The following SCRN1 variants were observed in gnomAD, a reference collection of about 807,000 sequenced individuals.
SCRN1 encodes the protein secernin 1, also known as secernin-1.
SCRN1 carries 19 observed loss-of-function variants against 43.3 expected under a neutral mutation model. That is an observed-to-expected ratio of 0.44 (90% confidence interval 0.31 to 0.64). The LOEUF is 0.64. Ranked by LOEUF, SCRN1 falls within the 30% of genes least tolerant of loss-of-function variation. The pLI is 0.09. For missense variants in SCRN1, 447 were observed against 524.1 expected, an observed-to-expected ratio of 0.85 and a Z score of 1.44; for synonymous variants, 183 against 188.9, an observed-to-expected ratio of 0.97 and a Z score of 0.26.
At chr7:29,964,814 C>T (rs1223129092) in intron 2 of SCRN1, among the ~76,000 whole-genome samples, 3 of 152,034 alleles carry the variant, frequency 2.0e-5, no homozygotes, top group Non-Finnish European at 4.4e-5. Flanking sequence ...TGATGGTGGG[C>T]ACCTGTAATC....
intron 2 of SCRN1, among the ~76,000 whole-genome samples, chr7:29,956,747 G>A (rs999723922): frequency 2.6e-5 from 4 of 152,118 alleles, no homozygotes; most frequent in African/African-American, 9.7e-5. Context: ...ATTATATCCA[G>A]AGGTTTTCAA....
rs534928564 is a variant in SCRN1 at position 29,923,017 on chromosome 7, T to C, written c.*940A>G. 1 of 150,600 alleles carries C rather than the reference T, an allele frequency of 6.6e-6. No individual in the cohort carries two copies. The highest frequency in any genetic ancestry group is 2.2e-4 in the South Asian group (1 of 4,582). 9.3% of individuals were successfully genotyped at this position (150,600 alleles called of 1,614,324 possible). A position where few individuals can be genotyped will look rare whatever the true frequency, so the allele number is the denominator to read the frequency against. Reference sequence around the variant, plus strand: ...ATCTAAATAGTCAAGAGTTCTTCCTTTTCTTTCCCTCCTTGGCTGAGAGAT... The same window carrying C: ...ATCTAAATAGTCAAGAGTTCTTCCTCTTCTTTCCCTCCTTGGCTGAGAGAT... On this transcript the variant is annotated 3_prime_UTR_variant, in exon 8 of 8. Transcript: ENST00000242059.
chr7:29,950,928 G>A lies in SCRN1; in HGVS notation c.341+4251C>T, dbSNP rs1177002483. Among the ~76,000 whole-genome samples, 1 of 152,218 alleles carries A rather than the reference G, an allele frequency of 6.6e-6. No individual in the cohort carries two copies. The highest frequency in any genetic ancestry group is 1.5e-5 in the Non-Finnish European group (1 of 68,038). ...GCTGTCCATGTATCTCACTCTTCCT[G>A]AACATGGGACAAGAGCTTGGGACCC... On this transcript the variant is annotated intron_variant, in intron 3 of 7. Coordinates refer to ENST00000242059, the MANE Select transcript of SCRN1 (RefSeq NM_014766.5). The surrounding 1 kb of genome is among the most constrained non-coding windows in gnomAD (Gnocchi z 4.5).
chr7:29,952,635 A>T (rs1787984008), intron 3 of SCRN1, among the ~76,000 whole-genome samples: 1 of 152,038 alleles, frequency 6.6e-6, no homozygotes, highest in African/African-American at 2.4e-5. Context: ...GGTTGCAATC[A>T]GCCGAGATCA....
At chr7:29,931,923 G>C (rs1464114763) in intron 6 of SCRN1, among the ~76,000 whole-genome samples, 2 of 152,092 alleles carry the variant, frequency 1.3e-5, no homozygotes, top group African/African-American at 4.8e-5. Flanking sequence ...TTTAATCATA[G>C]AGTCAAAGTC....
intron 5 of SCRN1, among the ~76,000 whole-genome samples, chr7:29,938,373 C>T (rs1306645973): frequency 1.3e-5 from 2 of 152,316 alleles, no homozygotes; most frequent in South Asian, 2.1e-4. Context: ...CCTGTAGTTT[C>T]GCACAGTGTA....
intron 1 of SCRN1, among the ~76,000 whole-genome samples, chr7:29,976,665 G>C (rs1788845082): frequency 6.6e-6 from 1 of 152,244 alleles, no homozygotes; most frequent in Admixed American, 6.5e-5. Flanking sequence ...TCCAGCTTTA[G>C]CTACTGTGCC....
intron 3 of SCRN1, among the ~76,000 whole-genome samples, chr7:29,951,244 C>T (rs1025361809): frequency 1.9e-4 from 29 of 152,344 alleles, no homozygotes; most frequent in East Asian, 1.3e-3. Flanking sequence ...CCTGTGCCAA[C>T]GCCTAGAGCT....
chr7:29,930,829 A>G (rs1299804301), intron 6 of SCRN1, among the ~76,000 whole-genome samples: 1 of 152,268 alleles, frequency 6.6e-6, no homozygotes, highest in Non-Finnish European at 1.5e-5. Flanking sequence ...ATGGCAAGGC[A>G]CAGCCCAGCA....
At chr7:29,944,893 T>C (rs1331352928) in intron 3 of SCRN1, among the ~76,000 whole-genome samples, 1 of 152,050 alleles carries the variant, frequency 6.6e-6, no homozygotes, top group South Asian at 2.1e-4. Context: ...CTCCTGACTC[T>C]AACCTGGGCA....
intron 7 of SCRN1, among the ~76,000 whole-genome samples, chr7:29,924,705 A>G (rs912517243): frequency 6.6e-6 from 1 of 152,028 alleles, no homozygotes; most frequent in Non-Finnish European, 1.5e-5. Flanking sequence ...CTCTCAAAAA[A>G]TGTTCATTGA....
intron 2 of SCRN1, among the ~76,000 whole-genome samples, chr7:29,967,591 C>A (rs927115162): frequency 6.6e-6 from 1 of 152,038 alleles, no homozygotes; most frequent in Non-Finnish European, 1.5e-5. Context: ...ATCTCAATCC[C>A]AAAACCAGCA....
chr7:29,989,782 G>C lies in SCRN1; in HGVS notation c.-142C>G. 1 of 986,910 alleles carries C rather than the reference G, an allele frequency of 1.0e-6. No individual in the cohort carries two copies. The highest frequency in any genetic ancestry group is 1.2e-6 in the Non-Finnish European group (1 of 831,150). The allele number at this position is 986,910 out of a possible 1,614,324, so 61.1% of individuals were successfully genotyped here. On this transcript the variant is annotated 5_prime_UTR_variant, in exon 1 of 8. Coordinates refer to ENST00000242059, the MANE Select transcript of SCRN1 (RefSeq NM_014766.5). Reference sequence around the variant, plus strand: ...GCAGTGGCGGAGGCGGCCGCCGGGCGCTTCCCCCTACCCAGACTCCCGGCG... The same window carrying C: ...GCAGTGGCGGAGGCGGCCGCCGGGCCCTTCCCCCTACCCAGACTCCCGGCG...
At chr7:29,949,766 T>C (rs985672807) in intron 3 of SCRN1, among the ~76,000 whole-genome samples, 16 of 152,138 alleles carry the variant, frequency 1.1e-4, no homozygotes, top group African/African-American at 3.1e-4. Context: ...CCCTGACCTC[T>C]TGGACTCAGC....
chr7:29,979,224 G>T (rs1313749752), intron 1 of SCRN1, among the ~76,000 whole-genome samples: 1 of 152,048 alleles, frequency 6.6e-6, no homozygotes, highest in Non-Finnish European at 1.5e-5. Flanking sequence ...TTAGCCAGGC[G>T]TGGTGGCACG....
chr7:29,979,028 T>A (rs1471171338), intron 1 of SCRN1, among the ~76,000 whole-genome samples: 1 of 152,232 alleles, frequency 6.6e-6, no homozygotes, highest in Non-Finnish European at 1.5e-5. Flanking sequence ...AATTTATCTA[T>A]AATGCAAAAT....
At chr7:29,955,722 GA>G (rs1265960103) in intron 2 of SCRN1, among the ~76,000 whole-genome samples, 5 of 152,242 alleles carry the variant, frequency 3.3e-5, no homozygotes, top group Admixed American at 3.3e-4. Context: ...ACCTTCAAAA[GA>G]AACTTCACCT....
At chr7:29,989,470 C>A (rs1338948215) in intron 1 of SCRN1, among the ~76,000 whole-genome samples, 172 bp downstream of exon 1, 6 of 152,214 alleles carry the variant, frequency 3.9e-5, no homozygotes, top group African/African-American at 1.4e-4. Flanking sequence ...TGACCGCCCC[C>A]AGGCTCCCAG....
In SCRN1 at chr7:29,936,681, G is replaced by T; in HGVS notation, c.780C>A (p.Asp260Glu). Residue 260 changes from aspartate to glutamate, a missense_variant, in exon 6 of 8, where the codon GAC (aspartate) becomes GAA (glutamate). Transcript: ENST00000242059. ...AGTCTATGCACACTCCGCTGGCTTT[G>T]TCCCGTAAGGTGTTCATCATAGTCT... Reference protein sequence around the residue: ...TVQTMMNTLRDKASGVCIDSE... With the variant: ...TVQTMMNTLREKASGVCIDSE... 1.9e-6 allele frequency: 3 copies of T among 1,586,518 alleles called. No homozygotes were observed. The South Asian group carries it at 3.4e-5, about 18-fold the overall frequency.
Sources: allele counts gnomAD v4.1 joint callset (sites outside exome capture counted in the v4.1 genomes callset), GRCh38; gene constraint gnomAD v4.1.1; non-coding constraint Gnocchi (gnomAD v3.1); transcripts MANE v1.5; gene names NCBI Gene and HGNC (gene_info 2026-07-23, HGNC 2026-07-21).